The following CHRM3 variants were observed in gnomAD, a reference collection of about 807,000 sequenced individuals.
CHRM3 encodes the protein muscarinic acetylcholine receptor M3.
A neutral mutation model predicts 41.8 loss-of-function variants in CHRM3; 11 were observed. The observed-to-expected ratio is 0.26, with a 90% CI of 0.17 to 0.44. The LOEUF (loss-of-function observed/expected upper bound fraction) is 0.44, where lower values mean the gene tolerates loss of function less well. Ranked by LOEUF, CHRM3 falls within the 20% of genes least tolerant of loss-of-function variation. The pLI, the probability that CHRM3 is intolerant of heterozygous loss-of-function variation, is 1.00. For missense variants in CHRM3, 571 were observed against 745.4 expected (o/e 0.77, Z 2.72); for synonymous variants, 297 against 301.4 (o/e 0.99, Z 0.15).
intron 1 of CHRM3, among the ~76,000 whole-genome samples, chr1:239,458,350 T>C (rs1026259801): frequency 5.3e-5 from 8 of 152,180 alleles, no homozygotes; most frequent in Non-Finnish European, 1.2e-4. Context: ...ATTTTTAAGA[T>C]GACTGGCTGC....
chr1:239,529,807 T>G lies in CHRM3; in HGVS notation c.-421-15834T>G, dbSNP rs1005900140. On this transcript the variant is annotated intron_variant, in intron 2 of 6. Transcript: ENST00000676153. ...ATGCAGGTTCAGTGCCTGCTTGAGG[T>G]GCTATTCTCAACCCTTTTCATCTAT... is the stretch of plus-strand genomic sequence containing the variant. Among the ~76,000 whole-genome samples, 4 of 152,150 alleles carry G rather than the reference T, an allele frequency of 2.6e-5. No homozygotes were observed. In the South Asian group the frequency reaches 8.3e-4, roughly 32 times the overall value.
At chr1:239,786,323 T>TAAG (rs1192424258) in intron 5 of CHRM3, among the ~76,000 whole-genome samples, 1 of 152,180 alleles carries the variant, frequency 6.6e-6, no homozygotes, top group Non-Finnish European at 1.5e-5. Context: ...ATAATAATAA[T>TAAG]TACCTATACT....
intron 1 of CHRM3, among the ~76,000 whole-genome samples, chr1:239,445,297 C>T (rs1664043275): frequency 6.6e-6 from 1 of 152,084 alleles, no homozygotes; most frequent in Non-Finnish European, 1.5e-5. Flanking sequence ...TCCCACTTAC[C>T]TTCTTAGCAC....
rs552205632 is a variant in CHRM3 at position 239,905,717 on chromosome 1, A to T, written c.-19-1716A>T. On this transcript the variant is annotated intron_variant, in intron 6 of 6. Transcript: ENST00000676153. ...TGTCTCAAAAAATATAATATAATAA[A>T]TAAGATAATGCATATGATGCATTTG... is the stretch of plus-strand genomic sequence containing the variant. Among the ~76,000 whole-genome samples, 186 of 152,296 alleles carry T rather than the reference A, an allele frequency of 1.2e-3. 4 individuals carry two copies. Among genetic ancestry groups the T allele is most frequent in the South Asian group, 0.01 (50 of 4,824 alleles).
At chr1:239,667,415 G>C (rs934754309) in intron 4 of CHRM3, among the ~76,000 whole-genome samples, 4 of 152,152 alleles carry the variant, frequency 2.6e-5, no homozygotes, top group Admixed American at 2.6e-4. Context: ...CATGTGCGGA[G>C]ACTCATGCAG....
At chr1:239,850,517 T>C (rs1674615349) in intron 6 of CHRM3, among the ~76,000 whole-genome samples, 1 of 152,160 alleles carries the variant, frequency 6.6e-6, no homozygotes. Flanking sequence ...TGTATGCTCT[T>C]TTCAAAAATG....
At chr1:239,633,421 C>A (rs12091682) in intron 4 of CHRM3, among the ~76,000 whole-genome samples, 7,105 of 152,226 alleles carry the variant, frequency 0.047, 189 homozygotes, top group Middle Eastern at 0.11. Context: ...TCCCACAAGG[C>A]CCCTCCCTCA....
chr1:239,621,187 C>G (rs1453644934), intron 3 of CHRM3, among the ~76,000 whole-genome samples: 1 of 152,076 alleles, frequency 6.6e-6, no homozygotes, highest in Non-Finnish European at 1.5e-5. Context: ...ATAAACCACT[C>G]CCATATAAAA....
At chr1:239,681,137 C>A (rs994035432) in intron 5 of CHRM3, among the ~76,000 whole-genome samples, 1 of 152,164 alleles carries the variant, frequency 6.6e-6, no homozygotes, top group Non-Finnish European at 1.5e-5. Context: ...TTACCTCCCC[C>A]TGGGTCCCTC....
At chr1:239,903,907 A>G (rs542093526) in intron 6 of CHRM3, among the ~76,000 whole-genome samples, 1 of 152,326 alleles carries the variant, frequency 6.6e-6, no homozygotes, top group Admixed American at 6.5e-5. Flanking sequence ...CCCAAACTAC[A>G]TACTGTGGGT....
At chr1:239,508,268 G>A (rs1381832053) in intron 2 of CHRM3, among the ~76,000 whole-genome samples, 2 of 152,168 alleles carry the variant, frequency 1.3e-5, no homozygotes, top group Admixed American at 6.5e-5. Context: ...AGGTGGTTCT[G>A]TACAGTGAAA....
At chr1:239,394,199 G>A (rs1277406018) in intron 1 of CHRM3, among the ~76,000 whole-genome samples, 2 of 152,126 alleles carry the variant, frequency 1.3e-5, no homozygotes, top group East Asian at 3.9e-4. Flanking sequence ...TCACAATTCT[G>A]GAAGCCAGAA....
Position 239,621,662 on chromosome 1 carries a change from C to A in CHRM3, c.-312-10562C>A, listed in dbSNP as rs529462122. Among the ~76,000 whole-genome samples, 26 of 152,300 alleles carry A rather than the reference C, an allele frequency of 1.7e-4. No homozygotes were observed. The South Asian group carries it at 5.4e-3, about 32-fold the overall frequency. ...CCTTAATCCATAGCCTCATCTAGAGCAAGGCTTTAACTCTCTTCAATTCTA... is the reference window on the plus strand; with the variant it reads ...CCTTAATCCATAGCCTCATCTAGAGAAAGGCTTTAACTCTCTTCAATTCTA... On this transcript the variant is annotated intron_variant, in intron 3 of 6. Coordinates refer to ENST00000676153, the MANE Select transcript of CHRM3 (RefSeq NM_001375978.1).
At chr1:239,751,971 G>A (rs1387425466) in intron 5 of CHRM3, among the ~76,000 whole-genome samples, 1 of 152,200 alleles carries the variant, frequency 6.6e-6, no homozygotes, top group Non-Finnish European at 1.5e-5. Context: ...GATAGGGAAT[G>A]TGAAGCTGTG....
At chr1:239,524,342 AT>A (rs2148285967) in intron 2 of CHRM3, among the ~76,000 whole-genome samples, 1 of 152,278 alleles carries the variant, frequency 6.6e-6, no homozygotes, top group African/African-American at 2.4e-5. Context: ...GCAACTTGAC[AT>A]TTTATTTAGG....
chr1:239,536,377 G>C (rs569702861), intron 2 of CHRM3, among the ~76,000 whole-genome samples: 16 of 152,302 alleles, frequency 1.1e-4, no homozygotes, highest in Admixed American at 7.8e-4. Context: ...CTATGGAGAT[G>C]AGAACATAAT....
chr1:239,437,238 C>T (rs1176789079), intron 1 of CHRM3, among the ~76,000 whole-genome samples: 3 of 152,112 alleles, frequency 2.0e-5, no homozygotes, highest in Non-Finnish European at 2.9e-5. Flanking sequence ...CTCAGCCTCC[C>T]AAGTAGCTAG....
At chr1:239,663,681 A>C (rs1313060578) in intron 4 of CHRM3, among the ~76,000 whole-genome samples, 2 of 152,212 alleles carry the variant, frequency 1.3e-5, no homozygotes, top group African/African-American at 4.8e-5. Context: ...ATGTCCTCGT[A>C]AATTTTATAC....
chr1:239,398,828 T>G (rs920945817), intron 1 of CHRM3, among the ~76,000 whole-genome samples: 3 of 152,182 alleles, frequency 2.0e-5, no homozygotes, highest in Admixed American at 6.5e-5. Flanking sequence ...GTTTTAGGAT[T>G]TTTCTTAACC....
Sources: gnomAD v4.1 joint callset for allele counts (sites outside exome capture counted in the v4.1 genomes callset) on GRCh38, gnomAD v4.1.1 for gene constraint, MANE v1.5 for transcripts, NCBI Gene and HGNC (gene_info 2026-07-23, HGNC 2026-07-21) for gene names.